The following CDH13 variants were observed in gnomAD, a reference collection of about 807,000 sequenced individuals.
The protein encoded by CDH13 is cadherin-13.
CDH13 carries 24 observed loss-of-function variants against 63.8 expected under a neutral mutation model. The ratio of observed to expected loss-of-function variants is 0.38; its 90% confidence interval spans 0.27 to 0.53. The LOEUF is 0.53. Among genes scored for constraint, CDH13 ranks in the 20% least tolerant of loss-of-function variants. The pLI is 0.85. For missense variants in CDH13, 1,049 were observed against 903.1 expected, an observed-to-expected ratio of 1.16 and a Z score of -2.07; for synonymous variants, 503 against 355.3, an observed-to-expected ratio of 1.42 and a Z score of -4.67.
In CDH13 at chr16:83,306,109, A is replaced by C. The variant is rs554199502; in HGVS notation, c.637-38753A>C. ...GCAGCCCAGGTTGTAATAACCAAAA[A>C]TGTCTCCCGACATTGCCAAATATTC... On this transcript the variant is annotated intron_variant, in intron 5 of 13. Coordinates refer to ENST00000567109, the MANE Select transcript of CDH13 (RefSeq NM_001257.5). 7.6e-4 allele frequency among the ~76,000 whole-genome samples: 115 copies of C among 152,290 alleles called. 3 individuals carry two copies. The South Asian group carries it at 0.016, about 21-fold the overall frequency.
intron 7 of CDH13, among the ~76,000 whole-genome samples, chr16:83,564,311 G>C (rs952061726): frequency 6.6e-6 from 1 of 151,840 alleles, no homozygotes; most frequent in Non-Finnish European, 1.5e-5. Context: ...TAAGTGAGGT[G>C]ACAATAAGGC....
intron 2 of CDH13, among the ~76,000 whole-genome samples, chr16:82,951,687 A>C (rs893453490): frequency 6.6e-6 from 1 of 152,308 alleles, no homozygotes; most frequent in Admixed American, 6.5e-5. Context: ...AGGGAGGCCC[A>C]GGTAACTCCA....
At chr16:82,927,265 C>A (rs532653495) in intron 2 of CDH13, among the ~76,000 whole-genome samples, 51 of 152,206 alleles carry the variant, frequency 3.4e-4, no homozygotes, top group Non-Finnish European at 5.7e-4. Flanking sequence ...GTCATAGATT[C>A]CCCTGAGGTC....
chr16:83,740,640 G>C (rs1273930432), intron 10 of CDH13, among the ~76,000 whole-genome samples: 1 of 152,208 alleles, frequency 6.6e-6, no homozygotes, highest in Non-Finnish European at 1.5e-5. Flanking sequence ...GCCTCATGCA[G>C]ATGTCCACAG....
At chr16:83,081,729 G>A (rs187934550) in intron 3 of CDH13, among the ~76,000 whole-genome samples, 16 of 152,102 alleles carry the variant, frequency 1.1e-4, no homozygotes, top group Admixed American at 3.9e-4. Flanking sequence ...GAAAGAGCTC[G>A]CAAGGATCAT....
chr16:83,322,748 G>A (rs914773490), intron 5 of CDH13, among the ~76,000 whole-genome samples: 9 of 152,030 alleles, frequency 5.9e-5, no homozygotes, highest in African/African-American at 2.2e-4. Context: ...GATTCATCCG[G>A]TCTATGACTC....
chr16:83,289,155 G>A (rs1261251106), intron 5 of CDH13, among the ~76,000 whole-genome samples: 3 of 152,192 alleles, frequency 2.0e-5, no homozygotes, highest in African/African-American at 4.8e-5. Flanking sequence ...TGCTGGAGGC[G>A]AAGACCAGGA....
At chr16:83,301,828 T>C (rs1316279584) in intron 5 of CDH13, among the ~76,000 whole-genome samples, 1 of 149,278 alleles carries the variant, frequency 6.7e-6, no homozygotes, top group African/African-American at 2.4e-5. Flanking sequence ...CACTATTCAT[T>C]TTACAAAAAT....
intron 7 of CDH13, among the ~76,000 whole-genome samples, chr16:83,501,094 C>A (rs1482226613): frequency 6.6e-6 from 1 of 152,216 alleles, no homozygotes; most frequent in African/African-American, 2.4e-5. Context: ...AATGGCTTTC[C>A]TGGCTAAACG....
chr16:83,381,198 C>A (rs537998223), intron 6 of CDH13, among the ~76,000 whole-genome samples: 1 of 152,078 alleles, frequency 6.6e-6, no homozygotes, highest in East Asian at 1.9e-4. Context: ...AGCAAATGTA[C>A]CTTTTTCTAA....
intron 8 of CDH13, among the ~76,000 whole-genome samples, chr16:83,609,588 G>A (rs1025161778): frequency 2.0e-5 from 3 of 152,138 alleles, no homozygotes; most frequent in Non-Finnish European, 1.5e-5. Context: ...TATTTCTTGT[G>A]TTAGAAATTT....
At chr16:83,322,901 G>C (rs2090262111) in intron 5 of CDH13, among the ~76,000 whole-genome samples, 1 of 152,104 alleles carries the variant, frequency 6.6e-6, no homozygotes, top group Admixed American at 6.5e-5. Flanking sequence ...ATGACACTTT[G>C]TTATTTAATT....
chr16:83,164,199 T>C (rs1375842501), intron 4 of CDH13, among the ~76,000 whole-genome samples: 1 of 152,094 alleles, frequency 6.6e-6, no homozygotes, highest in African/African-American at 2.4e-5. Flanking sequence ...TCATAGGTAA[T>C]CCTCTGTCAA....
At chr16:82,714,665 G>C (rs2151012220) in intron 1 of CDH13, among the ~76,000 whole-genome samples, 1 of 124,856 alleles carries the variant, frequency 8.0e-6, no homozygotes, top group South Asian at 2.9e-4. Flanking sequence ...AGTGAGCCGA[G>C]ATCAATCCAC....
intron 3 of CDH13, among the ~76,000 whole-genome samples, chr16:83,076,416 C>T: frequency 6.6e-6 from 1 of 152,122 alleles, no homozygotes; most frequent in East Asian, 1.9e-4. Flanking sequence ...CTGGTGTCTC[C>T]TTGGCTAGAC....
At chr16:82,704,505 C>G (rs2031319088) in intron 1 of CDH13, among the ~76,000 whole-genome samples, 1 of 152,302 alleles carries the variant, frequency 6.6e-6, no homozygotes, top group South Asian at 2.1e-4. Context: ...TCCTCCACAT[C>G]TCAAGACCTA....
At chr16:82,985,429 A>G (rs2151392018) in intron 2 of CDH13, among the ~76,000 whole-genome samples, 1 of 152,286 alleles carries the variant, frequency 6.6e-6, no homozygotes, top group East Asian at 1.9e-4. Context: ...GTAGAATCTG[A>G]TGGTTTCAGT....
chr16:83,459,516 C>T (rs2073119299), intron 6 of CDH13, among the ~76,000 whole-genome samples: 1 of 152,136 alleles, frequency 6.6e-6, no homozygotes, highest in South Asian at 2.1e-4. Flanking sequence ...AAACTAAAAA[C>T]TTTTTTATTT....
intron 3 of CDH13, among the ~76,000 whole-genome samples, chr16:83,107,030 A>G (rs1304513232): frequency 1.3e-5 from 2 of 152,214 alleles, no homozygotes; most frequent in African/African-American, 4.8e-5. Flanking sequence ...ACACAGACAG[A>G]CAGACACACA....
Sources: gnomAD v4.1 joint callset for allele counts (sites outside exome capture counted in the v4.1 genomes callset) on GRCh38, gnomAD v4.1.1 for gene constraint, MANE v1.5 for transcripts, NCBI Gene and HGNC (gene_info 2026-07-23, HGNC 2026-07-21) for gene names.